The following CSF2RA variants were observed in gnomAD, a reference collection of about 807,000 sequenced individuals.
CSF2RA encodes colony stimulating factor 2 receptor subunit alpha.
In CSF2RA, 42 loss-of-function variants were observed where a neutral mutation model predicts 51.6. That is an observed-to-expected ratio of 0.81 (90% CI 0.64 to 1.05). The LOEUF is 1.05. CSF2RA is among the 50% of genes least tolerant of loss of function. The pLI is 0.00. For synonymous variants in CSF2RA, 222 were observed against 193.0 expected (o/e 1.15, Z -1.24); for missense variants, 530 against 501.1 (o/e 1.06, Z -0.55).
chrX:1,322,366 C>G, the CSF2RA span, among the ~76,000 whole-genome samples: 1 of 151,466 alleles, frequency 6.6e-6, no homozygotes, highest in South Asian at 2.1e-4. Context: ...TCCACCTCAG[C>G]CTCCCAAAGT....
chrX:1,307,218 T>C (rs2083662695), intron 12 of CSF2RA, among the ~76,000 whole-genome samples: 1 of 152,106 alleles, frequency 6.6e-6, no homozygotes, highest in South Asian at 2.1e-4. Context: ...GAGTGGGAGA[T>C]GAAATTTTTA....
chrX:1,324,683 C>T, the CSF2RA span, among the ~76,000 whole-genome samples: 1 of 152,102 alleles, frequency 6.6e-6, no homozygotes, highest in Non-Finnish European at 1.5e-5. Context: ...GTTGCTTTTG[C>T]CCAGCAGGGC....
At chrX:1,319,713 TG>T in the CSF2RA span, among the ~76,000 whole-genome samples, 1 of 135,860 alleles carries the variant, frequency 7.4e-6, no homozygotes, top group Non-Finnish European at 1.5e-5. Context: ...ACGCCTTTGC[TG>T]TTTTTTTTTT....
At chrX:1,280,034 C>A (rs1272845995) in intron 2 of CSF2RA, among the ~76,000 whole-genome samples, 2 of 151,988 alleles carry the variant, frequency 1.3e-5, no homozygotes, top group Non-Finnish European at 2.9e-5. Flanking sequence ...AGGCGATCCG[C>A]CTGCCTTGGC....
chrX:1,308,915 G>C (rs2083943645), intron 12 of CSF2RA, among the ~76,000 whole-genome samples: 1 of 152,190 alleles, frequency 6.6e-6, no homozygotes, highest in African/African-American at 2.4e-5. Context: ...GGGTGGATCT[G>C]TCTCAGATCT....
intron 2 of CSF2RA, among the ~76,000 whole-genome samples, chrX:1,279,786 T>TTTTG (rs1556500529): frequency 6.6e-6 from 1 of 151,492 alleles, no homozygotes; most frequent in Non-Finnish European, 1.5e-5. Context: ...CGTTTTTTTT[T>TTTTG]TTTGTTTGTT....
At chrX:1,292,390 A>C (rs1203326333) in intron 7 of CSF2RA, among the ~76,000 whole-genome samples, 2 of 152,178 alleles carry the variant, frequency 1.3e-5, no homozygotes, top group African/African-American at 4.8e-5. Flanking sequence ...GAGAAAGAAC[A>C]GTGAGCCCAG....
At chrX:1,321,923 G>A in the CSF2RA span, among the ~76,000 whole-genome samples, 1 of 151,926 alleles carries the variant, frequency 6.6e-6, no homozygotes, top group Non-Finnish European at 1.5e-5. Context: ...GCATCATGAG[G>A]TCGGGAGTTC....
At position 1,288,424 on chromosome X, in the gene CSF2RA, G is replaced by C. The variant is rs141333770; in HGVS notation, c.220-95G>C. On this transcript the variant is annotated intron_variant, in intron 4 of 12. Transcript: ENST00000381529. ...TTGAACCTGGAAGGCGGAGGTTGTAGTGAGCCGAGATCACGCCACTGCACT... is the reference window on the plus strand; with the variant it reads ...TTGAACCTGGAAGGCGGAGGTTGTACTGAGCCGAGATCACGCCACTGCACT... The C allele has an allele frequency of 2.8e-5, 31 of 1,112,974 alleles. 1 individual carries two copies. Among genetic ancestry groups the C allele is most frequent in the Non-Finnish European group, 3.9e-5 (30 of 762,514 alleles). The allele number at this position is 1,112,974 out of a possible 1,614,324, so 68.9% of individuals were successfully genotyped here.
intron 3 of CSF2RA, among the ~76,000 whole-genome samples, chrX:1,284,375 AT>A (rs374684248): frequency 3.4e-4 from 16 of 47,232 alleles, no homozygotes; most frequent in Non-Finnish European, 6.0e-4. Flanking sequence ...GCTAATTTAA[AT>A]TTTTTTTTTA....
chrX:1,288,534 T>A lies in CSF2RA; in HGVS notation c.235T>A (p.Cys79Ser). 2 of 1,613,914 alleles carry A rather than the reference T, an allele frequency of 1.2e-6. No homozygotes were observed. Among genetic ancestry groups the A allele is most frequent in the Admixed American group, 3.3e-5 (2 of 59,988 alleles). Residue 79 changes from cysteine (C) to serine (S), a missense_variant, in exon 5 of 13, where the codon TGT becomes AGT. Physicochemically the swap from Cys to Ser is moderately radical, Grantham distance 112. Transcript: ENST00000381529. ...AATTCTTCAGCTCAGTAACAACGAA[T>A]GTTCGTGCACATTTCGTGAAATTTG... Reference protein sequence around the residue: ...VVEPRLSNNECSCTFREICLH... With the variant: ...VVEPRLSNNESSCTFREICLH...
At chrX:1,322,439 G>GTTTTTTTT in the CSF2RA span, among the ~76,000 whole-genome samples, 10 of 120,688 alleles carry the variant, frequency 8.3e-5, no homozygotes, top group East Asian at 2.7e-4. Flanking sequence ...GTGTGTGTTT[G>GTTTTTTTT]TTTTTTTTTT....
At chrX:1,282,160 G>A (rs1156568863) in intron 2 of CSF2RA, 22 of 162,552 alleles carry the variant, frequency 1.4e-4, no homozygotes, top group Admixed American at 4.6e-4. Flanking sequence ...AGCCGAGATC[G>A]CGCCACTGCA....
At chrX:1,313,546 C>A (rs2084275048), downstream of CSF2RA, among the ~76,000 whole-genome samples, 1 of 67,764 alleles carries the variant, frequency 1.5e-5, no homozygotes, top group African/African-American at 9.1e-5. Flanking sequence ...CTCGTCTCTA[C>A]TAAAAATACA....
intron 4 of CSF2RA, among the ~76,000 whole-genome samples, chrX:1,287,663 T>C (rs59546594): frequency 0.28 from 37,548 of 132,908 alleles, 4,633 homozygotes; most frequent in Middle Eastern, 0.36. Context: ...AGGCTGATCT[T>C]GAACTCCTGA....
intron 12 of CSF2RA, chrX:1,305,828 C>T: frequency 1.3e-6 from 2 of 1,530,060 alleles, no homozygotes; most frequent in Non-Finnish European, 8.9e-7. Flanking sequence ...TGCCTGTCAT[C>T]CCAGCACTTT....
chrX:1,282,571 G>A (rs2090176534), intron 2 of CSF2RA, 107 bp from the exon 3 acceptor site: 6 of 834,344 alleles, frequency 7.2e-6, no homozygotes, highest in Non-Finnish European at 1.3e-5. Flanking sequence ...GTCAGCGGCT[G>A]ACCACCATCC....
rs191404012 is a variant in CSF2RA, at chrX:1,272,550, C to G, written c.-90-2205C>G. Among the ~76,000 whole-genome samples, 235 of 151,452 alleles carry G rather than the reference C, an allele frequency of 1.6e-3. 1 individual carries two copies. Among genetic ancestry groups the G allele is most frequent in the African/African-American group, 5.2e-3 (214 of 41,342 alleles). On this transcript the variant is annotated intron_variant, in intron 1 of 12. Transcript: ENST00000381529. ...CCGCCCAGGCTGGAGTGCAGTGGTG[C>G]GATCTCAGCTCACTGCAACCTCCAC... is the stretch of plus-strand genomic sequence containing the variant.
intron 3 of CSF2RA, chrX:1,285,565 G>A (rs762700921): frequency 1.6e-4 from 102 of 621,652 alleles, no homozygotes; most frequent in African/African-American, 1.4e-3. Flanking sequence ...CATGGTGGTC[G>A]GCGCCTGTCA....
Sources: gnomAD v4.1 joint callset for allele counts (sites outside exome capture counted in the v4.1 genomes callset) on GRCh38, gnomAD v4.1.1 for gene constraint, MANE v1.5 for transcripts, NCBI Gene and HGNC (gene_info 2026-07-23, HGNC 2026-07-21) for gene names.